Variants in AGAP1 observed in about 807,000 individuals in gnomAD.
The protein encoded by AGAP1 is arf-GAP with GTPase, ANK repeat and PH domain-containing protein 1.
AGAP1 carries 29 observed loss-of-function variants against 105.3 expected under a neutral mutation model. The observed-to-expected ratio is 0.28, with a 90% CI of 0.21 to 0.38. The LOEUF (loss-of-function observed/expected upper bound fraction) is 0.38. AGAP1 is among the 10% of genes least tolerant of loss of function. The pLI is 1.00. For missense variants in AGAP1, 998 were observed against 1,165.1 expected (o/e 0.86, Z 2.09); for synonymous variants, 509 against 485.9 (o/e 1.05, Z -0.63).
chr2:236,123,862 C>A lies in AGAP1; in HGVS notation c.2371-57C>A. On this transcript the variant is annotated intron_variant, in intron 17 of 17. Coordinates refer to ENST00000304032, the MANE Select transcript of AGAP1 (RefSeq NM_001037131.3). This position sits in a 1 kb window ranked among gnomAD's most constrained non-coding sequence, Gnocchi z 4.6. ...CAAGGGCTGAGAGAAAGCTTCCCTG[C>A]CCCCTCCCTCCATCACATCCCCCAT... The A allele has an allele frequency of 6.3e-7, 1 of 1,599,948 alleles. No homozygotes were observed. The highest frequency in any genetic ancestry group is 1.7e-5 in the Admixed American group (1 of 59,658).
chr2:235,629,250 A>G (rs547727757), intron 1 of AGAP1, among the ~76,000 whole-genome samples: 58 of 148,446 alleles, frequency 3.9e-4, no homozygotes, highest in African/African-American at 1.4e-3. Context: ...ATTCCTTCTT[A>G]AGGCTGAGTA....
chr2:235,837,081 G>A (rs1486311317), intron 9 of AGAP1, among the ~76,000 whole-genome samples: 3 of 152,190 alleles, frequency 2.0e-5, no homozygotes, highest in African/African-American at 7.2e-5. Flanking sequence ...CGCCTCCGGG[G>A]TTCAAGAGAT....
Position 235,764,678 on chromosome 2 carries a change from ATCTGGGAGCGCCCGTGGGG to A in AGAP1, c.673+14192_673+14210del, listed in dbSNP as rs1377570179. Among the ~76,000 whole-genome samples the A allele has an allele frequency of 4.2e-4, 57 of 136,828 alleles. 1 individual carries two copies. The East Asian group carries it at 5.3e-3, about 13-fold the overall frequency. The allele number at this position is 136,828 out of a possible 152,430, so 89.8% of individuals were successfully genotyped here. ...CTGGGAGCGCCCGTGGGGTGGGGGC[ATCTGGGAGCGCCCGTGGGG>A]TGGGGGCATCTGGGAGCGCCCGTGG... On this transcript the variant is annotated intron_variant, in intron 6 of 17. Transcript: ENST00000304032.
chr2:235,974,204 A>C (rs1170920853), intron 13 of AGAP1, among the ~76,000 whole-genome samples: 2 of 152,302 alleles, frequency 1.3e-5, no homozygotes, highest in East Asian at 3.9e-4. Context: ...AGGTGACAGA[A>C]CTGTCTCTTG....
chr2:235,828,265 A>G (rs1959168858), intron 9 of AGAP1, among the ~76,000 whole-genome samples: 2 of 152,190 alleles, frequency 1.3e-5, no homozygotes, highest in African/African-American at 4.8e-5. Context: ...GCCCACTGGA[A>G]CATAAGCACC....
At position 236,051,877 on chromosome 2, in the gene AGAP1, C is replaced by G. The variant is rs1025494121; in HGVS notation, c.2114+2596C>G. Among the ~76,000 whole-genome samples the G allele has an allele frequency of 6.6e-6, 1 of 152,128 alleles. No homozygotes were observed. Among genetic ancestry groups the G allele is most frequent in the African/African-American group, 2.4e-5 (1 of 41,424 alleles). ...TGTCCAAAGCAAAACACACCCAGCC[C>G]GATAACAGAGTAGAAATTCAGACTC... On this transcript the variant is annotated intron_variant, in intron 16 of 17. Transcript: ENST00000304032. The surrounding 1 kb of genome is among the most constrained non-coding windows in gnomAD (Gnocchi z 5.9).
intron 1 of AGAP1, among the ~76,000 whole-genome samples, chr2:235,694,196 T>C (rs1949882484): frequency 6.7e-6 from 1 of 148,492 alleles, no homozygotes; most frequent in East Asian, 1.9e-4. Context: ...ATACAAAAAT[T>C]TGGCCAGGCA....
intron 1 of AGAP1, among the ~76,000 whole-genome samples, chr2:235,544,059 T>A (rs1252996125): frequency 1.3e-5 from 2 of 152,224 alleles, no homozygotes; most frequent in Non-Finnish European, 2.9e-5. Flanking sequence ...GCCCCCACTT[T>A]AAACAAGCAT....
At chr2:235,722,980 G>T (rs967532995) in intron 3 of AGAP1, among the ~76,000 whole-genome samples, 20 of 152,202 alleles carry the variant, frequency 1.3e-4, no homozygotes, top group Admixed American at 2.6e-4. Context: ...AGCTGTCCTG[G>T]TTGGCAGGTT....
intron 6 of AGAP1, among the ~76,000 whole-genome samples, chr2:235,763,073 C>CTGTGTGT (rs1411019322): frequency 1.1e-3 from 165 of 148,854 alleles, no homozygotes; most frequent in African/African-American, 4.0e-3. Context: ...CGCGCGCACA[C>CTGTGTGT]GTGCACCTGC....
chr2:236,078,463 A>T lies in AGAP1; in HGVS notation c.2114+29182A>T, dbSNP rs1466393129. On this transcript the variant is annotated intron_variant, in intron 16 of 17. Coordinates refer to ENST00000304032, the MANE Select transcript of AGAP1 (RefSeq NM_001037131.3). The surrounding 1 kb of genome is among the most constrained non-coding windows in gnomAD (Gnocchi z 5.3). Reference sequence around the variant, plus strand: ...GCCGCCGTGGCCTGGCCAGGTTGACATGTGAAACTGATCATGAGTCATCCT... The same window carrying T: ...GCCGCCGTGGCCTGGCCAGGTTGACTTGTGAAACTGATCATGAGTCATCCT... 6.6e-6 allele frequency among the ~76,000 whole-genome samples: 1 copy of T among 152,132 alleles called. No homozygotes were observed. The highest frequency in any genetic ancestry group is 1.5e-5 in the Non-Finnish European group (1 of 68,024).
chr2:235,543,096 C>CA (rs1943501200), intron 1 of AGAP1, among the ~76,000 whole-genome samples: 1 of 91,044 alleles, frequency 1.1e-5, no homozygotes, highest in Non-Finnish European at 2.5e-5. Context: ...CCTCCTCCCC[C>CA]TCCCCCCCCC....
In AGAP1 at chr2:235,965,177, A is replaced by G. The variant is rs962994682; in HGVS notation, c.1484-3285A>G. On this transcript the variant is annotated intron_variant, in intron 12 of 17. Coordinates refer to ENST00000304032, the MANE Select transcript of AGAP1 (RefSeq NM_001037131.3). The surrounding 1 kb of genome is among the most constrained non-coding windows in gnomAD (Gnocchi z 5.8). ...CAAGGGTGAAGCCCAAGGTGATAGCAGAGAAAGCTGCCCGGAATGCAAAGG... is the reference window on the plus strand; with the variant it reads ...CAAGGGTGAAGCCCAAGGTGATAGCGGAGAAAGCTGCCCGGAATGCAAAGG... Among the ~76,000 whole-genome samples, 5 of 152,214 alleles carry G rather than the reference A, an allele frequency of 3.3e-5. No homozygotes were observed. The highest frequency in any genetic ancestry group is 6.5e-5 in the Admixed American group (1 of 15,284).
In AGAP1 at chr2:235,608,178, C is replaced by G. The variant is rs1353556500; in HGVS notation, c.164-101001C>G. Among the ~76,000 whole-genome samples, 2 of 152,206 alleles carry G rather than the reference C, an allele frequency of 1.3e-5. No homozygotes were observed. Among genetic ancestry groups the G allele is most frequent in the Non-Finnish European group, 2.9e-5 (2 of 68,044 alleles). On this transcript the variant is annotated intron_variant, in intron 1 of 17. Coordinates refer to ENST00000304032, the MANE Select transcript of AGAP1 (RefSeq NM_001037131.3). The surrounding 1 kb of genome is among the most constrained non-coding windows in gnomAD (Gnocchi z 5.4). ...GCCTCTGGAGCATCCCCTTGCGGAG[C>G]CTCAGCATCTCTTCTCTGCTTGGCC...
intron 6 of AGAP1, among the ~76,000 whole-genome samples, chr2:235,797,028 A>T (rs1032379455): frequency 5.9e-5 from 9 of 152,234 alleles, no homozygotes; most frequent in African/African-American, 2.2e-4. Context: ...CAATGTGTGC[A>T]GTCATATATT....
chr2:235,848,195 G>T (rs1005156730), intron 9 of AGAP1, among the ~76,000 whole-genome samples: 2 of 152,168 alleles, frequency 1.3e-5, no homozygotes, highest in South Asian at 4.1e-4. Flanking sequence ...CCCTTGCCTG[G>T]CTCCTCACAG....
Position 236,003,425 on chromosome 2 carries a change from A to G in AGAP1, c.1646-33136A>G, listed in dbSNP as rs1269641424. Among the ~76,000 whole-genome samples the G allele has an allele frequency of 2.6e-5, 4 of 152,094 alleles. No individual in the cohort carries two copies. The highest frequency in any genetic ancestry group is 9.7e-5 in the African/African-American group (4 of 41,402). ...GCAGGGGAGGATGCTGGCCCACACCAAGGCACCAAGATTTTACCCACCTCT... is the reference window on the plus strand; with the variant it reads ...GCAGGGGAGGATGCTGGCCCACACCGAGGCACCAAGATTTTACCCACCTCT... On this transcript the variant is annotated intron_variant, in intron 13 of 17. Coordinates refer to ENST00000304032, the MANE Select transcript of AGAP1 (RefSeq NM_001037131.3). This position sits in a 1 kb window ranked among gnomAD's most constrained non-coding sequence, Gnocchi z 4.2.
At chr2:235,613,002 A>G (rs1013831726) in intron 1 of AGAP1, among the ~76,000 whole-genome samples, 10 of 151,908 alleles carry the variant, frequency 6.6e-5, no homozygotes, top group Non-Finnish European at 1.3e-4. Context: ...AGATTGTAAC[A>G]AGAGAATTTT....
chr2:235,568,353 G>T (rs1311782841), intron 1 of AGAP1, among the ~76,000 whole-genome samples: 1 of 152,256 alleles, frequency 6.6e-6, no homozygotes, highest in Non-Finnish European at 1.5e-5. Flanking sequence ...GCGGAGCATG[G>T]ACGCCCGTTC....
Sources: allele counts gnomAD v4.1 joint callset (sites outside exome capture counted in the v4.1 genomes callset), GRCh38; gene constraint gnomAD v4.1.1; non-coding constraint Gnocchi (gnomAD v3.1); transcripts MANE v1.5; gene names NCBI Gene and HGNC (gene_info 2026-07-23, HGNC 2026-07-21).